DLGAP2: variants seen among roughly 807,000 people sequenced by gnomAD.
The protein encoded by DLGAP2 is disks large-associated protein 2.
Under a neutral mutation model 100.3 loss-of-function variants are expected in DLGAP2, and 26 were observed. The ratio of observed to expected loss-of-function variants is 0.26; its 90% CI spans 0.19 to 0.36. The LOEUF is 0.36. DLGAP2 is among the 10% of genes least tolerant of loss of function. The pLI is 1.00. For synonymous variants in DLGAP2, 886 were observed against 630.1 expected, an observed-to-expected ratio of 1.41 and a Z score of -6.08; for missense variants, 1,858 against 1,453.2, an observed-to-expected ratio of 1.28 and a Z score of -4.53.
At chr8:1,336,877 G>C (rs1801287017) in intron 3 of DLGAP2, among the ~76,000 whole-genome samples, 1 of 152,152 alleles carries the variant, frequency 6.6e-6, no homozygotes, top group South Asian at 2.1e-4. Flanking sequence ...AAAAGGTATT[G>C]ATTCTGGAAT....
chr8:1,541,788 G>A (rs897299352), intron 4 of DLGAP2, among the ~76,000 whole-genome samples: 8 of 152,144 alleles, frequency 5.3e-5, no homozygotes, highest in South Asian at 2.1e-4. Context: ...TCACATTATC[G>A]GGTCAGTTAA....
intron 3 of DLGAP2, among the ~76,000 whole-genome samples, chr8:1,336,368 G>A (rs576561189): frequency 2.2e-4 from 33 of 152,342 alleles, no homozygotes; most frequent in African/African-American, 7.0e-4. Context: ...GGAAAGAGCT[G>A]GAGGAAAAGT....
intron 1 of DLGAP2, among the ~76,000 whole-genome samples, chr8:738,369 C>T (rs983435083): frequency 2.0e-5 from 3 of 151,788 alleles, no homozygotes; most frequent in Non-Finnish European, 4.4e-5. Flanking sequence ...GGATGGGGCC[C>T]TTGTGCCGGG....
chr8:1,017,389 T>C (rs12381482), intron 2 of DLGAP2, among the ~76,000 whole-genome samples: 56 of 4,386 alleles, frequency 0.013, no homozygotes, highest in Admixed American at 0.028. Context: ...GGACAGACGA[T>C]GCCTCCACTG....
At chr8:1,363,598 G>T (rs1311603735) in intron 3 of DLGAP2, among the ~76,000 whole-genome samples, 1 of 152,216 alleles carries the variant, frequency 6.6e-6, no homozygotes, top group Non-Finnish European at 1.5e-5. Context: ...TCACAGCCCT[G>T]TCAGGCGACA....
rs1800882393 is a variant in DLGAP2 at position 999,533 on chromosome 8, C to A, written c.73+91567C>A. Among the ~76,000 whole-genome samples, 4 of 148,496 alleles carry A rather than the reference C, an allele frequency of 2.7e-5. No homozygotes were observed. In the South Asian group the frequency reaches 6.4e-4, roughly 24 times the overall value. ...TCGGTCTGCCAGTCAGGCTGGAGTGCAGTGGTGCAATCTCGGCTCACTGCA... is the reference window on the plus strand; with the variant it reads ...TCGGTCTGCCAGTCAGGCTGGAGTGAAGTGGTGCAATCTCGGCTCACTGCA... On this transcript the variant is annotated intron_variant, in intron 2 of 14. Coordinates refer to ENST00000637795, the MANE Select transcript of DLGAP2 (RefSeq NM_001346810.2).
intron 3 of DLGAP2, among the ~76,000 whole-genome samples, chr8:1,275,298 T>C (rs1799659739): frequency 6.6e-6 from 1 of 151,516 alleles, no homozygotes; most frequent in African/African-American, 2.4e-5. Context: ...CGTAGCTTAC[T>C]AGATGCCCAC....
At chr8:1,475,711 C>T (rs1798913048) in intron 3 of DLGAP2, among the ~76,000 whole-genome samples, 3 of 152,210 alleles carry the variant, frequency 2.0e-5, no homozygotes, top group South Asian at 4.1e-4. Context: ...CGGCAGAACA[C>T]GAGTGGCACC....
intron 1 of DLGAP2, among the ~76,000 whole-genome samples, chr8:770,186 C>A (rs533480877): frequency 6.6e-6 from 1 of 152,266 alleles, no homozygotes; most frequent in South Asian, 2.1e-4. Context: ...AGTGTTGCTA[C>A]AATTTGCCTG....
chr8:1,039,207 T>A (rs545838394), intron 2 of DLGAP2, among the ~76,000 whole-genome samples: 2 of 151,270 alleles, frequency 1.3e-5, no homozygotes, highest in African/African-American at 4.9e-5. Flanking sequence ...GTCAGCTCGG[T>A]GTGCGTGGTC....
chr8:1,133,525 T>C (rs112604350), intron 2 of DLGAP2, among the ~76,000 whole-genome samples: 5,224 of 152,260 alleles, frequency 0.034, 129 homozygotes, highest in Non-Finnish European at 0.042. Flanking sequence ...TTATCAGAAA[T>C]AGATTTCTGA....
rs565196194 is a variant in DLGAP2, at chr8:1,326,206, A to G, written c.106+67323A>G. 8.5e-5 allele frequency among the ~76,000 whole-genome samples: 13 copies of G among 152,342 alleles called. No homozygotes were observed. The South Asian group carries it at 2.5e-3, about 29-fold the overall frequency. ...TAGCATGCTTTTACCATTTGTCTTT[A>G]TACTGTGTGACAGCAGTTTTAAATA... is the stretch of plus-strand genomic sequence containing the variant. On this transcript the variant is annotated intron_variant, in intron 3 of 14. Coordinates refer to ENST00000637795, the MANE Select transcript of DLGAP2 (RefSeq NM_001346810.2).
intron 9 of DLGAP2, among the ~76,000 whole-genome samples, 190 bp from the exon 10 acceptor site, chr8:1,669,553 G>C (rs902786920): frequency 6.6e-6 from 1 of 152,202 alleles, no homozygotes; most frequent in African/African-American, 2.4e-5. Context: ...TGCGTTCCTC[G>C]GAGCTTTAAC....
chr8:1,456,175 A>C (rs1007037626), intron 3 of DLGAP2, among the ~76,000 whole-genome samples: 1 of 152,214 alleles, frequency 6.6e-6, no homozygotes, highest in Non-Finnish European at 1.5e-5. Context: ...TTTCCTAAGA[A>C]AGCTGCGGAT....
chr8:1,701,215 C>G lies in DLGAP2; in HGVS notation c.2977C>G (p.Pro993Ala). Residue 993 changes from proline (P) to alanine (A), a missense_variant, in exon 15 of 15, where the codon CCA becomes GCA. Coordinates refer to ENST00000637795, the MANE Select transcript of DLGAP2 (RefSeq NM_001346810.2). ...KEERKVPPPI[P>A]KKPPKGKFPI... ...AGAAAGAAAGGTCCCGCCTCCAATA[C>G]CAAAGAAGCCTCCCAAGGGGAAGTT... is the stretch of plus-strand genomic sequence containing the variant. 6.4e-7 allele frequency: 1 copy of G among 1,571,964 alleles called. No individual in the cohort carries two copies. The highest frequency in any genetic ancestry group is 8.6e-7 in the Non-Finnish European group (1 of 1,159,194).
At chr8:1,037,714 A>T (rs1802175563) in intron 2 of DLGAP2, among the ~76,000 whole-genome samples, 1 of 152,208 alleles carries the variant, frequency 6.6e-6, no homozygotes, top group African/African-American at 2.4e-5. Context: ...AAAGAGGAAC[A>T]TGCAAAACCC....
chr8:1,039,330 T>A (rs376592148), intron 2 of DLGAP2, among the ~76,000 whole-genome samples: 2 of 92,128 alleles, frequency 2.2e-5, no homozygotes, highest in African/African-American at 4.5e-5. Flanking sequence ...GTGGTCAGCT[T>A]GGTGTGCGTG....
chr8:751,516 A>G (rs1203502411), intron 1 of DLGAP2, among the ~76,000 whole-genome samples: 3 of 152,236 alleles, frequency 2.0e-5, no homozygotes, highest in Non-Finnish European at 4.4e-5. Context: ...GTGAGGTTAG[A>G]AAAACTTGTC....
At chr8:1,433,177 G>A (rs75977613) in intron 3 of DLGAP2, among the ~76,000 whole-genome samples, 4,931 of 152,292 alleles carry the variant, frequency 0.032, 251 homozygotes, top group African/African-American at 0.11. Context: ...AGGAACGTGC[G>A]GGACTTGGGT....
Sources: gnomAD v4.1 joint callset for allele counts (sites outside exome capture counted in the v4.1 genomes callset) on GRCh38, gnomAD v4.1.1 for gene constraint, MANE v1.5 for transcripts, NCBI Gene and HGNC (gene_info 2026-07-23, HGNC 2026-07-21) for gene names.